The following PHLPP2 variants were observed in gnomAD, a reference collection of about 807,000 sequenced individuals.
PHLPP2 encodes the protein PH domain and leucine rich repeat protein phosphatase 2, also known as PH domain leucine-rich repeat-containing protein phosphatase 2.
A neutral mutation model predicts 124.9 loss-of-function variants in PHLPP2; 66 were observed. That is an observed-to-expected ratio of 0.53 (90% CI 0.43 to 0.65). The LOEUF (loss-of-function observed/expected upper bound fraction) is 0.65. Among genes scored for constraint, PHLPP2 ranks in the 30% least tolerant of loss-of-function variants. PHLPP2 has a pLI of 0.00. For synonymous variants in PHLPP2, 681 were observed against 624.7 expected, an observed-to-expected ratio of 1.09 and a Z score of -1.34; for missense variants, 1,685 against 1,600.4, an observed-to-expected ratio of 1.05 and a Z score of -0.90.
At chr16:71,684,791 T>C in intron 4 of PHLPP2, 190 bp from the exon 5 acceptor site, 1 of 530,534 alleles carries the variant, frequency 1.9e-6, no homozygotes, top group Non-Finnish European at 3.4e-6. Flanking sequence ...TACACAATGA[T>C]CCCAACACAT....
chr16:71,717,712 C>T (rs962651357), intron 1 of PHLPP2, among the ~76,000 whole-genome samples: 3 of 152,102 alleles, frequency 2.0e-5, no homozygotes, highest in Non-Finnish European at 4.4e-5. Context: ...CATCTGAAAA[C>T]AGTATTCCAT....
At chr16:71,651,936 G>C (rs1029194203) in intron 18 of PHLPP2, among the ~76,000 whole-genome samples, 2 of 152,276 alleles carry the variant, frequency 1.3e-5, no homozygotes, top group Non-Finnish European at 2.9e-5. Context: ...TAAACTTCTA[G>C]AAGATAACAC....
intron 2 of PHLPP2, among the ~76,000 whole-genome samples, chr16:71,703,929 TC>T (rs1450677640): frequency 6.6e-6 from 1 of 152,176 alleles, no homozygotes; most frequent in Non-Finnish European, 1.5e-5. Flanking sequence ...AGAGTATTTC[TC>T]CCATCTCAAA....
chr16:71,689,036 C>T (rs2045080927), intron 4 of PHLPP2, among the ~76,000 whole-genome samples: 1 of 152,002 alleles, frequency 6.6e-6, no homozygotes, highest in Admixed American at 6.6e-5. Context: ...GGCATTAGGC[C>T]GTAAGACTAA....
intron 4 of PHLPP2, among the ~76,000 whole-genome samples, chr16:71,688,636 G>C (rs2045077105): frequency 7.7e-6 from 1 of 130,066 alleles, no homozygotes. Flanking sequence ...GTATGTGTGT[G>C]AGAGGGAGTT....
chr16:71,663,609 T>C (rs985664382), intron 13 of PHLPP2, among the ~76,000 whole-genome samples: 2 of 152,204 alleles, frequency 1.3e-5, no homozygotes, highest in African/African-American at 4.8e-5. Context: ...AAGAAAAAAT[T>C]GTCTTCAGAA....
At position 71,690,509 on chromosome 16, in the gene PHLPP2, T is replaced by C; in HGVS notation, c.609+10A>G. The C allele has an allele frequency of 1.9e-6, 3 of 1,550,992 alleles. No individual in the cohort carries two copies. In the East Asian group the frequency reaches 6.8e-5, roughly 35 times the overall value. On this transcript the variant is annotated intron_variant, in intron 4 of 18. Coordinates refer to ENST00000568954, the MANE Select transcript of PHLPP2 (RefSeq NM_015020.3). The stretch of plus-strand genomic sequence containing the variant: ...TCAAATGAAAAATAATTCATCTTTG[T>C]GAGTCTTACCTTTCCACCAACCAGA...
chr16:71,692,108 C>T (rs572744296), intron 3 of PHLPP2, among the ~76,000 whole-genome samples: 8 of 151,818 alleles, frequency 5.3e-5, no homozygotes, highest in South Asian at 2.1e-4. Flanking sequence ...CTTGCTCTGT[C>T]GCCCAGGTTG....
chr16:71,670,847 G>C (rs774332786), intron 10 of PHLPP2, among the ~76,000 whole-genome samples: 10 of 152,246 alleles, frequency 6.6e-5, no homozygotes, highest in Non-Finnish European at 1.0e-4. Flanking sequence ...ACAGAGGAGA[G>C]AAGCTGAGAA....
At chr16:71,689,088 T>C (rs1036296988) in intron 4 of PHLPP2, among the ~76,000 whole-genome samples, 3 of 152,184 alleles carry the variant, frequency 2.0e-5, no homozygotes, top group African/African-American at 7.2e-5. Context: ...TACTAAATAC[T>C]TATAAGAGCC....
In PHLPP2 at chr16:71,679,461, G is replaced by C; in HGVS notation, c.965C>G (p.Ser322Cys). 3.1e-6 allele frequency: 5 copies of C among 1,613,384 alleles called. No homozygotes were observed. Among genetic ancestry groups the C allele is most frequent in the Non-Finnish European group, 4.2e-6 (5 of 1,179,398 alleles). The change falls in exon 7 of 19, where the codon TCT (serine) becomes TGT (cysteine). Residue 322 changes from serine (S) to cysteine (C), a missense_variant. Transcript: ENST00000568954. The part of the protein sequence containing the change: ...GLFPILLCEI[S>C]TLTELNLSCN... ...GGAAAGGTTGAGCTCAGTCAGGGTA[G>C]AGATCTCGCATAACAATATAGGAAA... is the stretch of plus-strand genomic sequence containing the variant.
intron 11 of PHLPP2, 59 bp from the exon 12 acceptor site, chr16:71,667,392 G>T: frequency 7.4e-7 from 1 of 1,353,944 alleles, no homozygotes; most frequent in Non-Finnish European, 1.0e-6. Context: ...TTCTTTCTGA[G>T]GCTGTCCTAG....
intron 2 of PHLPP2, among the ~76,000 whole-genome samples, chr16:71,704,467 G>C (rs1182912467): frequency 2.0e-5 from 3 of 151,826 alleles, no homozygotes; most frequent in Non-Finnish European, 4.4e-5. Context: ...CAACTACAAA[G>C]CTGAACATAA....
intron 2 of PHLPP2, among the ~76,000 whole-genome samples, chr16:71,707,996 C>A (rs1473582836): frequency 6.6e-6 from 1 of 152,088 alleles, no homozygotes; most frequent in Non-Finnish European, 1.5e-5. Flanking sequence ...AGTGGCTCAC[C>A]CCTGTAATAC....
intron 2 of PHLPP2, among the ~76,000 whole-genome samples, chr16:71,704,572 CAGTT>C (rs2145371334): frequency 6.6e-6 from 1 of 152,166 alleles, no homozygotes; most frequent in Non-Finnish European, 1.5e-5. Flanking sequence ...CCTGACTGCT[CAGTT>C]CAGTATTTTA....
At chr16:71,653,276 T>C (rs780979554) in intron 17 of PHLPP2, among the ~76,000 whole-genome samples, 9 of 152,052 alleles carry the variant, frequency 5.9e-5, no homozygotes, top group Non-Finnish European at 7.4e-5. Context: ...CCATAGCTTT[T>C]GTGTCTGATC....
At chr16:71,712,771 A>G (rs2045332192) in intron 2 of PHLPP2, among the ~76,000 whole-genome samples, 1 of 152,266 alleles carries the variant, frequency 6.6e-6, no homozygotes, top group Non-Finnish European at 1.5e-5. Flanking sequence ...TTTAAAAATG[A>G]CATCAAATTT....
chr16:71,699,044 T>C (rs11861387), intron 3 of PHLPP2, among the ~76,000 whole-genome samples: 1,743 of 152,326 alleles, frequency 0.011, 53 homozygotes, highest in African/African-American at 0.04. Context: ...ACTAAGCTAT[T>C]TACTTCAAAG....
chr16:71,696,405 G>A (rs935174821), intron 3 of PHLPP2, among the ~76,000 whole-genome samples: 10 of 152,090 alleles, frequency 6.6e-5, no homozygotes, highest in Non-Finnish European at 1.0e-4. Flanking sequence ...AGGAGGCCAA[G>A]GTGGGCAGAT....
Sources: allele counts gnomAD v4.1 joint callset (sites outside exome capture counted in the v4.1 genomes callset), GRCh38; gene constraint gnomAD v4.1.1; transcripts MANE v1.5; gene names NCBI Gene and HGNC (gene_info 2026-07-23, HGNC 2026-07-21).